The following TTF2 variants were observed in gnomAD, a reference collection of about 807,000 sequenced individuals.
TTF2 encodes RNA polymerase II termination factor.
In TTF2, 108 loss-of-function variants were observed where a neutral mutation model predicts 142.4. That is an observed-to-expected ratio of 0.76 (90% CI 0.65 to 0.89). The LOEUF (loss-of-function observed/expected upper bound fraction) is 0.89. Among genes scored for constraint, TTF2 ranks in the 40% least tolerant of loss-of-function variants. The probability of loss-of-function intolerance (pLI) is 0.00; values close to 1 mark genes in which losing one functional copy is unlikely to be tolerated. For synonymous variants in TTF2, 483 were observed against 506.2 expected, an observed-to-expected ratio of 0.95 and a Z score of 0.61; for missense variants, 1,327 against 1,379.8, an observed-to-expected ratio of 0.96 and a Z score of 0.61.
chr1:117,086,531 G>C lies in TTF2; in HGVS notation c.2160+9G>C. 1 of 1,606,346 alleles carries C rather than the reference G, an allele frequency of 6.2e-7. No homozygotes were observed. Among genetic ancestry groups the C allele is most frequent in the South Asian group, 1.1e-5 (1 of 90,658 alleles). On this transcript the variant is annotated intron_variant, in intron 12 of 22. Coordinates refer to ENST00000369466, the MANE Select transcript of TTF2 (RefSeq NM_003594.4). The surrounding 1 kb of genome is among the most constrained non-coding windows in gnomAD (Gnocchi z 4.2). ...CAAACCTCAATGTGGAGGTGAGGCTGGGGGGCAGCCAGGGAAGTGGAGTTG... is the reference window on the plus strand; with the variant it reads ...CAAACCTCAATGTGGAGGTGAGGCTCGGGGGCAGCCAGGGAAGTGGAGTTG...
At position 117,107,205 on chromosome 1, in the gene TTF2, C is replaced by T. The variant is rs578077071; in HGVS notation, c.*5681C>T. ...AGGTCTTTCAGCAGGCAAGACAGCT[C>T]AGTTAAATTGAGTTTGGACTCCACT... On this transcript the variant is annotated 3_prime_UTR_variant, in exon 23 of 23. Coordinates refer to ENST00000369466, the MANE Select transcript of TTF2 (RefSeq NM_003594.4). 1.3e-5 allele frequency: 2 copies of T among 152,286 alleles called. No individual in the cohort carries two copies. The highest frequency in any genetic ancestry group is 4.1e-4 in the South Asian group (2 of 4,824). The allele number at this position is 152,286 out of a possible 1,614,324, so 9.4% of individuals were successfully genotyped here.
chr1:117,094,056 A>G (rs1444433383), intron 18 of TTF2, among the ~76,000 whole-genome samples: 2 of 152,226 alleles, frequency 1.3e-5, no homozygotes, highest in African/African-American at 4.8e-5. Flanking sequence ...TCTATTGTTA[A>G]CTAAATAACA....
chr1:117,086,266 T>G lies in TTF2; in HGVS notation c.2055-151T>G. 1 of 578,810 alleles carries G rather than the reference T, an allele frequency of 1.7e-6. No individual in the cohort carries two copies. Among genetic ancestry groups the G allele is most frequent in the African/African-American group, 1.9e-5 (1 of 53,480 alleles). 35.9% of individuals were successfully genotyped at this position (578,810 alleles called of 1,614,324 possible). ...TCCAAAATGTGTGTGTGTGTGTGTGTGTGTGCGTGTGTGTGTTAAGGACAC... is the reference window on the plus strand; with the variant it reads ...TCCAAAATGTGTGTGTGTGTGTGTGGGTGTGCGTGTGTGTGTTAAGGACAC... On this transcript the variant is annotated intron_variant, in intron 11 of 22. Transcript: ENST00000369466. This position sits in a 1 kb window ranked among gnomAD's most constrained non-coding sequence, Gnocchi z 4.2.
rs1570881556 is a variant in TTF2 at position 117,095,876 on chromosome 1, G to A, written c.3036-273G>A. 2.6e-5 allele frequency among the ~76,000 whole-genome samples: 4 copies of A among 152,174 alleles called. No homozygotes were observed. The South Asian group carries it at 6.2e-4, about 24-fold the overall frequency. ...CTGGATGAGCACTAGGACCCCAAATGAAAGAAGGCTGGAGTCATCACTTTA... is the reference window on the plus strand; with the variant it reads ...CTGGATGAGCACTAGGACCCCAAATAAAAGAAGGCTGGAGTCATCACTTTA... On this transcript the variant is annotated intron_variant, in intron 19 of 22. Transcript: ENST00000369466.
rs139291739 is a variant in TTF2, at chr1:117,087,332, G to T, written c.2160+810G>T. On this transcript the variant is annotated intron_variant, in intron 12 of 22. Transcript: ENST00000369466. This position sits in a 1 kb window ranked among gnomAD's most constrained non-coding sequence, Gnocchi z 4.8. ...ATTTGAGGCAGAATCTCACTCTGTC[G>T]CCCAGGATGGAGTGCATGGTGCGAT... Among the ~76,000 whole-genome samples the T allele has an allele frequency of 6.6e-6, 1 of 152,036 alleles. No homozygotes were observed. Among genetic ancestry groups the T allele is most frequent in the African/African-American group, 2.4e-5 (1 of 41,374 alleles).
At position 117,076,392 on chromosome 1, in the gene TTF2, T is replaced by G; in HGVS notation, c.1390+98T>G. 9.5e-7 allele frequency: 1 copy of G among 1,055,370 alleles called. No homozygotes were observed. The highest frequency in any genetic ancestry group is 1.4e-6 in the Non-Finnish European group (1 of 729,182). The allele number at this position is 1,055,370 out of a possible 1,614,324, so 65.4% of individuals were successfully genotyped here. On this transcript the variant is annotated intron_variant, in intron 6 of 22. Coordinates refer to ENST00000369466, the MANE Select transcript of TTF2 (RefSeq NM_003594.4). The surrounding 1 kb of genome is among the most constrained non-coding windows in gnomAD (Gnocchi z 4.6). ...TAAAGAATGTGTTGATTCATTCACT[T>G]TTCCATTTTATTATCTGCTTCTGAG...
At chr1:117,072,704 T>A (rs1656695760) in intron 3 of TTF2, among the ~76,000 whole-genome samples, 1 of 152,178 alleles carries the variant, frequency 6.6e-6, no homozygotes, top group African/African-American at 2.4e-5. Flanking sequence ...ATTACAGGTG[T>A]GAGCCACCGC....
intron 8 of TTF2, among the ~76,000 whole-genome samples, 197 bp downstream of exon 8, chr1:117,078,240 G>GTAATCTGAAA (rs1657180750): frequency 1.3e-5 from 2 of 152,206 alleles, no homozygotes; most frequent in African/African-American, 4.8e-5. Flanking sequence ...AAGTCATAAA[G>GTAATCTGAAA]TTACTTATTT....
Position 117,101,417 on chromosome 1 carries a change from C to T in TTF2, c.3382C>T (p.Gln1128Ter). ...CEGTVEEKIL[Q>*]LQEKKKDLAK... ...GGGAACAGTAGAAGAAAAGATCTTA[C>T]AGCTCCAAGAAAAAAAGAAAGATTT... The change falls in exon 23 of 23, where the codon CAG becomes TAG. Residue 1128 changes from glutamine (Q) to a stop codon, truncating the protein, a stop_gained. Coordinates refer to ENST00000369466, the MANE Select transcript of TTF2 (RefSeq NM_003594.4). LOFTEE classifies it high-confidence loss of function. The surrounding 1 kb of genome is among the most constrained non-coding windows in gnomAD (Gnocchi z 5.9). 1.9e-6 allele frequency: 3 copies of T among 1,605,604 alleles called. No individual in the cohort carries two copies. Among genetic ancestry groups the T allele is most frequent in the Non-Finnish European group, 2.5e-6 (3 of 1,178,074 alleles).
Position 117,100,351 on chromosome 1 carries a change from C to T in TTF2, c.3345-1029C>T, listed in dbSNP as rs1649487095. On this transcript the variant is annotated intron_variant, in intron 22 of 22. Transcript: ENST00000369466. This position sits in a 1 kb window ranked among gnomAD's most constrained non-coding sequence, Gnocchi z 4.6. ...GTTTCTGATAACCATTTCTTCCTTC[C>T]CATGCCCACTGCCAGGTCCCCCCTT... 6.6e-6 allele frequency among the ~76,000 whole-genome samples: 1 copy of T among 152,138 alleles called. No individual in the cohort carries two copies.
chr1:117,097,718 C>T lies in TTF2; in HGVS notation c.3269+285C>T, dbSNP rs1649277006. Among the ~76,000 whole-genome samples the T allele has an allele frequency of 1.3e-5, 2 of 152,182 alleles. No homozygotes were observed. The highest frequency in any genetic ancestry group is 6.5e-5 in the Admixed American group (1 of 15,272). On this transcript the variant is annotated intron_variant, in intron 21 of 22. Transcript: ENST00000369466. This position sits in a 1 kb window ranked among gnomAD's most constrained non-coding sequence, Gnocchi z 4.1. Reference sequence around the variant, plus strand: ...GGAAACGGGGAGCATAGCTTTTCCTCATGGCTAAGAGTTAACCTTGCTCAG... The same window carrying T: ...GGAAACGGGGAGCATAGCTTTTCCTTATGGCTAAGAGTTAACCTTGCTCAG...
At position 117,070,852 on chromosome 1, in the gene TTF2, G is replaced by T. The variant is rs148631265; in HGVS notation, c.219-2809G>T. Among the ~76,000 whole-genome samples the T allele has an allele frequency of 5.2e-3, 785 of 152,146 alleles. 6 individuals carry two copies. Among genetic ancestry groups the T allele is most frequent in the African/African-American group, 0.018 (752 of 41,504 alleles). On this transcript the variant is annotated intron_variant, in intron 3 of 22. Transcript: ENST00000369466. The surrounding 1 kb of genome is among the most constrained non-coding windows in gnomAD (Gnocchi z 4.2). ...ACTTTTATGGACAACTTGTCCATTT[G>T]GGCTTGTTCATCTTTGTTTATGTGT...
rs567022307 is a variant in TTF2, at chr1:117,086,833, A to G, written c.2160+311A>G. On this transcript the variant is annotated intron_variant, in intron 12 of 22. Transcript: ENST00000369466. This position sits in a 1 kb window ranked among gnomAD's most constrained non-coding sequence, Gnocchi z 4.2. ...CCTTACTTGTTGCTATTTTTATTTT[A>G]GAGTATTTGGGGTATATACTCATGA... Among the ~76,000 whole-genome samples the G allele has an allele frequency of 6.6e-6, 1 of 152,208 alleles. No homozygotes were observed. The highest frequency in any genetic ancestry group is 1.5e-5 in the Non-Finnish European group (1 of 68,004).
Position 117,087,822 on chromosome 1 carries a change from C to G in TTF2, c.2161-979C>G, listed in dbSNP as rs1394147881. 6.6e-6 allele frequency among the ~76,000 whole-genome samples: 1 copy of G among 152,196 alleles called. No homozygotes were observed. Among genetic ancestry groups the G allele is most frequent in the African/African-American group, 2.4e-5 (1 of 41,444 alleles). On this transcript the variant is annotated intron_variant, in intron 12 of 22. Transcript: ENST00000369466. The surrounding 1 kb of genome is among the most constrained non-coding windows in gnomAD (Gnocchi z 4.8). ...CTTCAAGAATCTTTTCTGGACCACT[C>G]CCTTCCCACCTTCCCCCGGTTTGGT...
At chr1:117,067,524 C>CAAAAA (rs1161287519) in intron 3 of TTF2, among the ~76,000 whole-genome samples, 3 of 40,946 alleles carry the variant, frequency 7.3e-5, no homozygotes, top group African/African-American at 1.6e-4. Context: ...GACTCAGTCT[C>CAAAAA]AAAAAAAAAA....
At chr1:117,098,062 A>G (rs1649310904) in intron 21 of TTF2, 1 of 152,784 alleles carries the variant, frequency 6.5e-6, no homozygotes, top group Admixed American at 6.5e-5. Flanking sequence ...TCATTGGTCC[A>G]ATTCTCCAGA....
chr1:117,081,845 G>T lies in TTF2; in HGVS notation c.1801G>T (p.Gly601Ter). 1.2e-6 allele frequency: 2 copies of T among 1,613,900 alleles called. No homozygotes were observed. The highest frequency in any genetic ancestry group is 1.7e-6 in the Non-Finnish European group (2 of 1,179,976). ...TTTTCTAGCAGATGATATGGGCTTA[G>T]GAAAAACCCTGACAATGATTGCGCT... The part of the protein sequence containing the change: ...GGILADDMGL[G>*]KTLTMIALIL... Residue 601 changes from glycine to a stop codon, truncating the protein, a stop_gained, in exon 10 of 23, where the codon GGA (glycine) becomes TGA (stop). Transcript: ENST00000369466. LOFTEE classifies it high-confidence loss of function.
chr1:117,062,330 G>C (rs34555183), intron 2 of TTF2, 57 bp from the exon 3 acceptor site: 66 of 1,518,038 alleles, frequency 4.3e-5, no homozygotes, highest in Non-Finnish European at 5.7e-5. Flanking sequence ...TTTGACTTTA[G>C]GATATTGATC....
At position 117,087,332 on chromosome 1, in the gene TTF2, G is replaced by A. The variant is rs139291739; in HGVS notation, c.2160+810G>A. Among the ~76,000 whole-genome samples, 516 of 152,154 alleles carry A rather than the reference G, an allele frequency of 3.4e-3. 3 individuals are homozygous for A. The highest frequency in any genetic ancestry group is 0.012 in the African/African-American group (493 of 41,496). On this transcript the variant is annotated intron_variant, in intron 12 of 22. Coordinates refer to ENST00000369466, the MANE Select transcript of TTF2 (RefSeq NM_003594.4). This position sits in a 1 kb window ranked among gnomAD's most constrained non-coding sequence, Gnocchi z 4.8. ...ATTTGAGGCAGAATCTCACTCTGTC[G>A]CCCAGGATGGAGTGCATGGTGCGAT...
Sources: gnomAD v4.1 joint callset for allele counts (sites outside exome capture counted in the v4.1 genomes callset) on GRCh38, gnomAD v4.1.1 for gene constraint, Gnocchi (gnomAD v3.1) non-coding constraint, MANE v1.5 for transcripts, NCBI Gene and HGNC (gene_info 2026-07-23, HGNC 2026-07-21) for gene names.